Variants in TOMM34 observed in about 807,000 individuals in gnomAD.
TOMM34 encodes the protein translocase of outer mitochondrial membrane 34, also known as mitochondrial import receptor subunit TOM34.
Under a neutral mutation model 37.4 loss-of-function variants are expected in TOMM34, and 24 were observed. The ratio of observed to expected loss-of-function variants is 0.64; its 90% CI spans 0.46 to 0.90. The LOEUF (loss-of-function observed/expected upper bound fraction) is 0.90, where lower values mean the gene tolerates loss of function less well. Among genes scored for constraint, TOMM34 ranks in the 40% least tolerant of loss-of-function variants. The pLI is 0.00. For synonymous variants in TOMM34, 154 were observed against 148.9 expected, an observed-to-expected ratio of 1.03 and a Z score of -0.25; for missense variants, 304 against 375.6, an observed-to-expected ratio of 0.81 and a Z score of 1.58.
rs568499949 is a variant in TOMM34, at chr20:44,958,537, G to A, written c.127+1670C>T. 2.4e-3 allele frequency: 848 copies of A among 355,286 alleles called. 4 individuals carry two copies. Among genetic ancestry groups the A allele is most frequent in the Non-Finnish European group, 2.9e-3 (490 of 171,308 alleles). 22.0% of individuals were successfully genotyped at this position (355,286 alleles called of 1,614,324 possible). On this transcript the variant is annotated intron_variant, in intron 1 of 6. Coordinates refer to ENST00000372813, the MANE Select transcript of TOMM34 (RefSeq NM_006809.5). The stretch of plus-strand genomic sequence containing the variant: ...TCATGCGTGCCCACCTACCACATGA[G>A]GATATCACTTCATAGACTTGCTGGA...
intron 5 of TOMM34, among the ~76,000 whole-genome samples, chr20:44,947,658 C>G (rs1190018633): frequency 6.6e-6 from 1 of 152,082 alleles, no homozygotes; most frequent in Non-Finnish European, 1.5e-5. Context: ...GCCACAGCGC[C>G]CAGCTGATTT....
chr20:44,943,597 T>C lies in TOMM34; in HGVS notation c.699-18A>G. 6.2e-7 allele frequency: 1 copy of C among 1,613,834 alleles called. No individual in the cohort carries two copies. Among genetic ancestry groups the C allele is most frequent in the Non-Finnish European group, 8.5e-7 (1 of 1,179,962 alleles). ...AGAGTGCTCTGAAGGGAAAGACCAT[T>C]TCAGAGGTTTCAGTCACGTCTTATG... is the stretch of plus-strand genomic sequence containing the variant. On this transcript the variant is annotated intron_variant, in intron 5 of 6. Transcript: ENST00000372813.
intron 1 of TOMM34, among the ~76,000 whole-genome samples, chr20:44,958,090 A>G (rs2067089864): frequency 2.7e-5 from 4 of 149,206 alleles, no homozygotes. Flanking sequence ...ATATGTATAT[A>G]TGTATATGTA....
At chr20:44,952,505 T>C (rs2067035180) in intron 3 of TOMM34, 2 of 689,894 alleles carry the variant, frequency 2.9e-6, no homozygotes, top group African/African-American at 3.5e-5. Context: ...CTGTCCCCCT[T>C]CACTGTGAGC....
At chr20:44,944,819 A>G (rs1239544942) in intron 5 of TOMM34, among the ~76,000 whole-genome samples, 1 of 152,244 alleles carries the variant, frequency 6.6e-6, no homozygotes, top group South Asian at 2.1e-4. Context: ...ATTTTCATGT[A>G]TGCCAATATG....
chr20:44,948,965 C>G (rs1347952657), intron 4 of TOMM34, 88 bp from the exon 5 acceptor site: 1 of 1,490,972 alleles, frequency 6.7e-7, no homozygotes, highest in Non-Finnish European at 9.0e-7. Context: ...CCCTTCCAAA[C>G]TGACTACAAT....
At chr20:44,945,218 T>C (rs892549248) in intron 5 of TOMM34, among the ~76,000 whole-genome samples, 2 of 152,220 alleles carry the variant, frequency 1.3e-5, no homozygotes, top group African/African-American at 4.8e-5. Flanking sequence ...TGACTTATCA[T>C]GAATTTAAAG....
chr20:44,946,779 A>G (rs2066984304), intron 5 of TOMM34, among the ~76,000 whole-genome samples: 1 of 152,228 alleles, frequency 6.6e-6, no homozygotes, highest in South Asian at 2.1e-4. Context: ...TGTTAGCCAC[A>G]ATGGCTGAAA....
At chr20:44,944,860 C>T (rs1026300056) in intron 5 of TOMM34, among the ~76,000 whole-genome samples, 18 of 152,298 alleles carry the variant, frequency 1.2e-4, no homozygotes, top group Non-Finnish European at 1.2e-4. Context: ...GCCTTAGCTG[C>T]TTAGTTGTGG....
intron 4 of TOMM34, 26 bp downstream of exon 4, chr20:44,951,807 A>G: frequency 6.2e-7 from 1 of 1,604,290 alleles, no homozygotes. Context: ...AGATTGCAAG[A>G]CTCTGGGCAG....
At chr20:44,959,294 T>C (rs1269439795) in intron 1 of TOMM34, among the ~76,000 whole-genome samples, 1 of 152,176 alleles carries the variant, frequency 6.6e-6, no homozygotes, top group East Asian at 1.9e-4. Context: ...AAGTCAAGGC[T>C]TTAACCAATG....
At chr20:44,956,086 T>C (rs552268674) in intron 2 of TOMM34, among the ~76,000 whole-genome samples, 2 of 152,306 alleles carry the variant, frequency 1.3e-5, no homozygotes, top group East Asian at 3.9e-4. Context: ...CAGTTACTGG[T>C]CTGCCACTCC....
At chr20:44,951,268 G>A (rs1480385959) in intron 4 of TOMM34, among the ~76,000 whole-genome samples, 2 of 152,110 alleles carry the variant, frequency 1.3e-5, no homozygotes, top group African/African-American at 4.8e-5. Flanking sequence ...TGAGGCATGG[G>A]GTATGGATGT....
intron 5 of TOMM34, 120 bp from the exon 6 acceptor site, chr20:44,943,699 A>G (rs758339529): frequency 1.3e-5 from 19 of 1,414,892 alleles, no homozygotes; most frequent in Non-Finnish European, 9.6e-6. Flanking sequence ...TGGTTACTTT[A>G]TGTCTTCTTA....
Position 44,960,303 on chromosome 20 carries a change from C to G in TOMM34, c.31G>C (p.Glu11Gln), listed in dbSNP as rs1206932899. The G allele has an allele frequency of 6.3e-7, 1 of 1,585,160 alleles. No homozygotes were observed. Among genetic ancestry groups the G allele is most frequent in the East Asian group, 2.3e-5 (1 of 42,718 alleles). ...CTCTCATTGCCGGCGGCGCGGAGCT[C>G]CTCCACAGAGTCTGGGAATTTGGGG... MAPKFPDSVE[E>Q]LRAAGNESFR... The change falls in exon 1 of 7, where the codon GAG becomes CAG. Residue 11 changes from glutamate (E) to glutamine (Q), a missense_variant. Coordinates refer to ENST00000372813, the MANE Select transcript of TOMM34 (RefSeq NM_006809.5).
intron 4 of TOMM34, among the ~76,000 whole-genome samples, chr20:44,951,326 C>G (rs1345414740): frequency 2.0e-5 from 3 of 152,014 alleles, no homozygotes; most frequent in Non-Finnish European, 4.4e-5. Flanking sequence ...GGGAAGCTTG[C>G]CAAAGACAAA....
At chr20:44,957,889 C>T (rs2067087580) in intron 1 of TOMM34, among the ~76,000 whole-genome samples, 1 of 151,982 alleles carries the variant, frequency 6.6e-6, no homozygotes, top group Non-Finnish European at 1.5e-5. Context: ...GTGATCCTCC[C>T]GCTTTGGCCT....
intron 2 of TOMM34, among the ~76,000 whole-genome samples, chr20:44,956,170 G>A (rs1012353644): frequency 2.8e-4 from 43 of 152,006 alleles, no homozygotes; most frequent in African/African-American, 9.4e-4. Context: ...CTCCTTTTTC[G>A]GCAGCAGAGC....
intron 4 of TOMM34, among the ~76,000 whole-genome samples, chr20:44,951,502 T>C (rs2067025929): frequency 6.6e-6 from 1 of 152,142 alleles, no homozygotes; most frequent in Non-Finnish European, 1.5e-5. Context: ...AGCTTTCTGT[T>C]TTTGCAACCA....
Sources: allele counts gnomAD v4.1 joint callset (sites outside exome capture counted in the v4.1 genomes callset), GRCh38; gene constraint gnomAD v4.1.1; transcripts MANE v1.5; gene names NCBI Gene and HGNC (gene_info 2026-07-23, HGNC 2026-07-21).